AGAP5: variants seen among roughly 807,000 people sequenced by gnomAD.
AGAP5 encodes the protein arf-GAP with GTPase, ANK repeat and PH domain-containing protein 5.
In AGAP5, 8 loss-of-function variants were observed where a neutral mutation model predicts 27.7. The ratio of observed to expected loss-of-function variants is 0.29; its 90% CI spans 0.17 to 0.52. The LOEUF is 0.52. Ranked by LOEUF, AGAP5 falls within the 20% of genes least tolerant of loss-of-function variation. The probability of loss-of-function intolerance (pLI) is 0.97; values close to 1 mark genes in which losing one functional copy is unlikely to be tolerated. For missense variants in AGAP5, 285 were observed against 880.8 expected (o/e 0.32, Z 8.56); for synonymous variants, 111 against 338.0 (o/e 0.33, Z 7.37).
At position 73,698,074 on chromosome 10, in the gene AGAP5, C is replaced by T. The variant is rs959314899; in HGVS notation, c.-319G>A. 8.3e-5 allele frequency: 110 copies of T among 1,326,344 alleles called. No homozygotes were observed. The highest frequency in any genetic ancestry group is 3.0e-4 in the Middle Eastern group (1 of 3,382). 82.2% of individuals were successfully genotyped at this position (1,326,344 alleles called of 1,614,324 possible). On this transcript the variant is annotated 5_prime_UTR_variant, in exon 1 of 8. Coordinates refer to ENST00000374094, the MANE Select transcript of AGAP5 (RefSeq NM_001144000.4). ...AACAACTGCCTGAAGAGAGAACAGA[C>T]GGAGCTCCTCCTCCTTCTGTAGTCA...
chr10:73,694,761 T>C lies in AGAP5; in HGVS notation c.336A>G (p.Ile112Met). 1 of 1,598,108 alleles carries C rather than the reference T, an allele frequency of 6.3e-7. No individual in the cohort carries two copies. Among genetic ancestry groups the C allele is most frequent in the Non-Finnish European group, 8.5e-7 (1 of 1,179,644 alleles). ...CATCTGTTTGAGAGTTCCTCTGGAA[T>C]ATTGTGCTTGCCTCTGGATTGGCAG... ...NPSANPEAST[I>M]FQRNSQTDVV... The change falls in exon 3 of 8, where the codon ATA becomes ATG. Residue 112 changes from isoleucine (I) to methionine (M), a missense_variant. Coordinates refer to ENST00000374094, the MANE Select transcript of AGAP5 (RefSeq NM_001144000.4).
intron 4 of AGAP5, among the ~76,000 whole-genome samples, chr10:73,687,163 A>G (rs1261996244): frequency 2.0e-5 from 3 of 152,244 alleles, no homozygotes; most frequent in Non-Finnish European, 2.9e-5. Flanking sequence ...CATTTTTCTC[A>G]GCAAACATAA....
At chr10:73,678,975 T>A (rs2082002792) in intron 6 of AGAP5, among the ~76,000 whole-genome samples, 1 of 151,146 alleles carries the variant, frequency 6.6e-6, no homozygotes. Flanking sequence ...TGCCTCAGCC[T>A]CCCAAGTAAC....
At chr10:73,681,929 CATTATT>C in intron 5 of AGAP5, 2 of 755,784 alleles carry the variant, frequency 2.6e-6, no homozygotes, top group Non-Finnish European at 3.2e-6. Context: ...AGGAAAGTGA[CATTATT>C]ATGAGTGTAA....
intron 4 of AGAP5, among the ~76,000 whole-genome samples, chr10:73,685,768 G>A (rs545688858): frequency 6.6e-6 from 1 of 152,166 alleles, no homozygotes; most frequent in Admixed American, 6.5e-5. Context: ...GGCCTGGCTG[G>A]TCTCGAACTC....
intron 6 of AGAP5, among the ~76,000 whole-genome samples, chr10:73,677,565 T>C (rs1464539120): frequency 1.3e-5 from 2 of 148,774 alleles, no homozygotes; most frequent in African/African-American, 5.0e-5. Flanking sequence ...TTTGTATTTT[T>C]AGTAGAGATG....
At chr10:73,687,140 A>G (rs2082071421) in intron 4 of AGAP5, among the ~76,000 whole-genome samples, 1 of 152,202 alleles carries the variant, frequency 6.6e-6, no homozygotes, top group African/African-American at 2.4e-5. Context: ...ATAAATAAAT[A>G]AATAAAGTAC....
chr10:73,696,379 G>A (rs933152734), intron 2 of AGAP5, among the ~76,000 whole-genome samples: 1 of 152,132 alleles, frequency 6.6e-6, no homozygotes, highest in Non-Finnish European at 1.5e-5. Flanking sequence ...GGGACAAAGG[G>A]GGAGCCACGG....
At chr10:73,694,155 G>A (rs185359318) in intron 3 of AGAP5, among the ~76,000 whole-genome samples, 97 of 152,206 alleles carry the variant, frequency 6.4e-4, no homozygotes, top group Middle Eastern at 6.9e-3. Flanking sequence ...TAACATTAAG[G>A]GAAATAAGCA....
chr10:73,674,417 A>C lies in AGAP5; in HGVS notation c.*182T>G. The C allele has an allele frequency of 8.5e-7, 1 of 1,176,690 alleles. No individual in the cohort carries two copies. Among genetic ancestry groups the C allele is most frequent in the East Asian group, 2.6e-5 (1 of 38,882 alleles). 72.9% of individuals were successfully genotyped at this position (1,176,690 alleles called of 1,614,324 possible). ...AGACTAACACATCCACCTTGGCAAA[A>C]GGACATAAAATATGTCTTATGGTCA... is the stretch of plus-strand genomic sequence containing the variant. On this transcript the variant is annotated 3_prime_UTR_variant, in exon 8 of 8. Coordinates refer to ENST00000374094, the MANE Select transcript of AGAP5 (RefSeq NM_001144000.4).
At chr10:73,696,368 AG>A (rs1307263359) in intron 2 of AGAP5, among the ~76,000 whole-genome samples, 1 of 152,210 alleles carries the variant, frequency 6.6e-6, no homozygotes, top group African/African-American at 2.4e-5. Context: ...CAGGAGGGGA[AG>A]GGACAAAGGG....
At chr10:73,689,353 G>A (rs986164237) in intron 4 of AGAP5, among the ~76,000 whole-genome samples, 8 of 152,322 alleles carry the variant, frequency 5.3e-5, no homozygotes, top group African/African-American at 1.9e-4. Flanking sequence ...CCACCTTCCA[G>A]CAGCCTGCCT....
Position 73,674,923 on chromosome 10 carries a change from T to C in AGAP5, c.1737A>G (p.Pro579=). The C allele has an allele frequency of 6.2e-7, 1 of 1,612,616 alleles. No homozygotes were observed. The highest frequency in any genetic ancestry group is 1.1e-5 in the South Asian group (1 of 91,002). ...CCAGGGACAGCTCAGTGCAGGGTAG[T>C]GGGGCCAGAAAGAGCTTCTCCTCAT... is the stretch of plus-strand genomic sequence containing the variant. ...SKYEEKLFLA[P]LPCTELSLGQ... Residue 579 remains proline, a synonymous_variant, in exon 8 of 8, where the codon CCA becomes CCG. Transcript: ENST00000374094.
At chr10:73,685,700 GC>G (rs1337353462) in intron 4 of AGAP5, among the ~76,000 whole-genome samples, 3 of 151,912 alleles carry the variant, frequency 2.0e-5, no homozygotes, top group Non-Finnish European at 4.4e-5. Flanking sequence ...TTACAGGTGA[GC>G]ACCACCACGC....
rs1565001433 is a variant in AGAP5, at chr10:73,675,437, G to T, written c.1223C>A (p.Thr408Asn). The change falls in exon 8 of 8, where the codon ACC becomes AAC. Residue 408 changes from threonine (T) to asparagine (N), a missense_variant. Physicochemically the swap from Thr to Asn is moderately conservative, Grantham distance 65 (BLOSUM62 0). Coordinates refer to ENST00000374094, the MANE Select transcript of AGAP5 (RefSeq NM_001144000.4). ...NKKKHLKKKSTNNFMIVSATG... is the reference protein window; with the variant it reads ...NKKKHLKKKSNNNFMIVSATG... Reference sequence around the variant, plus strand: ...GGCAGACACAATCATAAAGTTGTTGGTGCTTTTCTTCTTTAGGTGTTTCTT... The same window carrying T: ...GGCAGACACAATCATAAAGTTGTTGTTGCTTTTCTTCTTTAGGTGTTTCTT... The T allele has an allele frequency of 6.2e-7, 1 of 1,613,986 alleles. No individual in the cohort carries two copies.
intron 4 of AGAP5, among the ~76,000 whole-genome samples, chr10:73,691,430 C>T (rs2082117857): frequency 6.6e-6 from 1 of 150,520 alleles, no homozygotes; most frequent in South Asian, 2.1e-4. Flanking sequence ...ACAGTGCTGG[C>T]AATTAACTTA....
intron 4 of AGAP5, among the ~76,000 whole-genome samples, chr10:73,688,888 A>G (rs988821427): frequency 4.6e-5 from 7 of 152,166 alleles, no homozygotes; most frequent in African/African-American, 1.7e-4. Context: ...CACACTGGCA[A>G]TAGATTCAAG....
chr10:73,690,731 T>C (rs1405330861), intron 4 of AGAP5, among the ~76,000 whole-genome samples: 1 of 151,948 alleles, frequency 6.6e-6, no homozygotes, highest in African/African-American at 2.4e-5. Flanking sequence ...CAGGAAAATG[T>C]GTTCAAGTAC....
intron 6 of AGAP5, among the ~76,000 whole-genome samples, chr10:73,677,376 CTTTT>C (rs3998276): frequency 4.0e-4 from 13 of 32,502 alleles, no homozygotes; most frequent in African/African-American, 7.8e-4. Flanking sequence ...CATAACTGTT[CTTTT>C]TTTTTTTTTT....
Sources: gnomAD v4.1 joint callset for allele counts (sites outside exome capture counted in the v4.1 genomes callset) on GRCh38, gnomAD v4.1.1 for gene constraint, MANE v1.5 for transcripts, NCBI Gene and HGNC (gene_info 2026-07-23, HGNC 2026-07-21) for gene names.